The following TRIOBP variants were observed in gnomAD, a reference collection of about 807,000 sequenced individuals.
TRIOBP encodes TRIO and F-actin-binding protein.
TRIOBP carries 169 observed loss-of-function variants against 238.8 expected under a neutral mutation model. That is an observed-to-expected ratio of 0.71 (90% CI 0.62 to 0.80). TRIOBP has a LOEUF of 0.80. TRIOBP is among the 30% of genes least tolerant of loss of function. The pLI, the probability that TRIOBP is intolerant of heterozygous loss-of-function variation, is 0.00. For missense variants in TRIOBP, 2,838 were observed against 3,122.6 expected, an observed-to-expected ratio of 0.91 and a Z score of 2.17; for synonymous variants, 1,150 against 1,274.4, an observed-to-expected ratio of 0.90 and a Z score of 2.08.
At chr22:37,739,615 C>A (rs1444930012) in intron 10 of TRIOBP, among the ~76,000 whole-genome samples, 1 of 152,170 alleles carries the variant, frequency 6.6e-6, no homozygotes, top group African/African-American at 2.4e-5. Context: ...TGCACCTCCA[C>A]CTGGCACCCA....
At chr22:37,713,473 G>T (rs1923363235) in intron 5 of TRIOBP, 62 bp downstream of exon 5, 1 of 1,581,066 alleles carries the variant, frequency 6.3e-7, no homozygotes, top group Non-Finnish European at 8.6e-7. Flanking sequence ...GCAGCCCTGG[G>T]TCCCACCTAA....
In TRIOBP at chr22:37,725,263, G is replaced by T; in HGVS notation, c.2707G>T (p.Asp903Tyr). ...TTCATCTCCCCATCGTACTAACAAA[G>T]ACATCCCCTGGGCCTCGTTTCCCCT... ...RNSSPHRTNK[D>Y]IPWASFPLRP... Residue 903 changes from aspartate (D) to tyrosine (Y), a missense_variant, in exon 7 of 24, where the codon GAC becomes TAC. Physicochemically the swap from Asp to Tyr is radical, Grantham distance 160 (BLOSUM62 -3). Around this residue, in one of 5 missense-constraint regions of TRIOBP, gnomAD observed 2,096 missense variants for 2,137.4 expected, o/e 0.98. Transcript: ENST00000644935. 6.2e-7 allele frequency: 1 copy of T among 1,613,952 alleles called. No homozygotes were observed. Among genetic ancestry groups the T allele is most frequent in the South Asian group, 1.1e-5 (1 of 91,088 alleles).
At chr22:37,741,113 A>C in intron 11 of TRIOBP, 81 bp downstream of exon 11, 1 of 1,519,736 alleles carries the variant, frequency 6.6e-7, no homozygotes, top group Non-Finnish European at 8.8e-7. Flanking sequence ...TGTTAAGCAA[A>C]GGAGAGAGAG....
chr22:37,771,681 A>G lies in TRIOBP; in HGVS notation c.6881A>G (p.Gln2294Arg), dbSNP rs774513118. Residue 2294 changes from glutamine (Q) to arginine (R), a missense_variant, in exon 22 of 24, where the codon CAG (glutamine) becomes CGG (arginine). Gln to Arg is a conservative substitution (Grantham distance 43). Coordinates refer to ENST00000644935, the MANE Select transcript of TRIOBP (RefSeq NM_001039141.3). Reference protein sequence around the residue: ...VLLRVKENELQYLKKEVQCLR... With the variant: ...VLLRVKENELRYLKKEVQCLR... Reference sequence around the variant, plus strand: ...CTTCGCGTAAAAGAAAACGAACTCCAGTACCTAAAGAAGGAGGTGCAGTGC... The same window carrying G: ...CTTCGCGTAAAAGAAAACGAACTCCGGTACCTAAAGAAGGAGGTGCAGTGC... 4 of 1,614,142 alleles carry G rather than the reference A, an allele frequency of 2.5e-6. No individual in the cohort carries two copies. In the East Asian group the frequency reaches 6.7e-5, roughly 27 times the overall value.
At chr22:37,727,915 T>C (rs1000952491) in intron 7 of TRIOBP, among the ~76,000 whole-genome samples, 7 of 152,104 alleles carry the variant, frequency 4.6e-5, no homozygotes, top group Admixed American at 1.3e-4. Context: ...TTCCATTAGT[T>C]AGGGTCAAGA....
chr22:37,748,014 A>T (rs1050803671), intron 11 of TRIOBP, among the ~76,000 whole-genome samples: 3 of 152,170 alleles, frequency 2.0e-5, no homozygotes, highest in African/African-American at 4.8e-5. Context: ...TCCTGTGATT[A>T]TAGGGCCTTG....
intron 11 of TRIOBP, 133 bp from the exon 12 acceptor site, chr22:37,751,639 G>A: frequency 1.0e-6 from 1 of 962,852 alleles, no homozygotes. Flanking sequence ...TAGGGCCTTA[G>A]CCCTCTTGGC....
rs1345743045 is a variant in TRIOBP, at chr22:37,710,585, C to T, written c.254+19C>T. The T allele has an allele frequency of 1.2e-6, 2 of 1,604,298 alleles. No homozygotes were observed. Among genetic ancestry groups the T allele is most frequent in the East Asian group, 2.2e-5 (1 of 44,748 alleles). On this transcript the variant is annotated intron_variant, in intron 4 of 23. Transcript: ENST00000644935. ...CCAAGAGGTGGGTAGAGTCCCAGGG[C>T]CCAGGAAGGGCTTCATGGGGTGGAA...
intron 19 of TRIOBP, among the ~76,000 whole-genome samples, 161 bp from the exon 20 acceptor site, chr22:37,768,867 C>T (rs1245090718): frequency 6.6e-6 from 1 of 152,078 alleles, no homozygotes; most frequent in Non-Finnish European, 1.5e-5. Context: ...ACACCTGTAG[C>T]CCAGAGAAGC....
rs727503531 is a variant in TRIOBP, at chr22:37,772,774, G to A, written c.*2+10G>A. On this transcript the variant is annotated intron_variant, in intron 23 of 23. Transcript: ENST00000644935. ...GCCTGGCTGAGTAGAGGTGGATGCC[G>A]AGGCGTGTGCCCTGCAGGGTGGGCA... 26 of 1,611,642 alleles carry A rather than the reference G, an allele frequency of 1.6e-5. No individual in the cohort carries two copies. The highest frequency in any genetic ancestry group is 1.7e-4 in the Middle Eastern group (1 of 6,048).
rs1213710634 is a variant in TRIOBP, at chr22:37,727,859, T to TC, written c.3947+1360dup. 3.3e-5 allele frequency among the ~76,000 whole-genome samples: 5 copies of TC among 152,040 alleles called. No homozygotes were observed. In the East Asian group the frequency reaches 7.7e-4, roughly 23 times the overall value. ...CCTCCTGATCAGGCTGAGGTTTCTC[T>TC]CCCCAGAAGTTCCAGCCCTCGAGTT... On this transcript the variant is annotated intron_variant, in intron 7 of 23. Coordinates refer to ENST00000644935, the MANE Select transcript of TRIOBP (RefSeq NM_001039141.3).
In TRIOBP at chr22:37,769,169, G is replaced by T. The variant is rs767855263; in HGVS notation, c.6717G>T (p.Glu2239Asp). 3.1e-6 allele frequency: 5 copies of T among 1,609,758 alleles called. No homozygotes were observed. Among genetic ancestry groups the T allele is most frequent in the Non-Finnish European group, 4.2e-6 (5 of 1,178,460 alleles). Residue 2239 changes from glutamate to aspartate, a missense_variant, in exon 20 of 24, where the codon GAG (glutamate) becomes GAT (aspartate). Physicochemically the swap from Glu to Asp is conservative, Grantham distance 45. This residue lies in a region of TRIOBP where 2,096 missense variants were observed against 2,137.4 expected (regional missense o/e 0.98). Transcript: ENST00000644935. ...TLRRCQQEGQELLRHNQELHG... is the reference protein window; with the variant it reads ...TLRRCQQEGQDLLRHNQELHG... ...GCCGCTGCCAGCAGGAGGGCCAGGAGCTGCTGCGCCACAACCAGGTGGGCC... is the reference window on the plus strand; with the variant it reads ...GCCGCTGCCAGCAGGAGGGCCAGGATCTGCTGCGCCACAACCAGGTGGGCC...
chr22:37,758,127 C>T lies in TRIOBP; in HGVS notation c.6202C>T (p.Leu2068=), dbSNP rs781222245. The T allele has an allele frequency of 1.2e-6, 2 of 1,611,082 alleles. No individual in the cohort carries two copies. Among genetic ancestry groups the T allele is most frequent in the African/African-American group, 2.7e-5 (2 of 74,998 alleles). ...RGPPSDGHEA[L]EKEVQALRAQ... is the part of the protein sequence containing the mutation. The stretch of plus-strand genomic sequence containing the variant: ...GCCCCCAAGTGACGGCCACGAGGCA[C>T]TGGAGAAGGAGGTAGGCACCACGGC... The change falls in exon 16 of 24, where the codon CTG becomes TTG. Residue 2068 remains leucine (L), a synonymous_variant. Transcript: ENST00000644935.
rs868688169 is a variant in TRIOBP, at chr22:37,725,904, C to T, written c.3348C>T (p.Tyr1116=). ...LQLPAPVCIG[Y]RDAPRASSPP... Reference sequence around the variant, plus strand: ...TCCCTGCACCTGTGTGTATTGGGTACCGAGATGCACCCCGGGCCTCCTCCC... The same window carrying T: ...TCCCTGCACCTGTGTGTATTGGGTATCGAGATGCACCCCGGGCCTCCTCCC... The change falls in exon 7 of 24, where the codon TAC becomes TAT. Residue 1116 remains tyrosine (Y), a synonymous_variant. Transcript: ENST00000644935. 6.2e-7 allele frequency: 1 copy of T among 1,613,558 alleles called. No homozygotes were observed.
intron 17 of TRIOBP, among the ~76,000 whole-genome samples, chr22:37,765,278 T>TCAAAAA (rs199577656): frequency 2.7e-3 from 407 of 152,112 alleles, no homozygotes; most frequent in African/African-American, 9.0e-3. Context: ...AAACTCTGTC[T>TCAAAAA]CAAAAACAAA....
In TRIOBP at chr22:37,725,840, A is replaced by C. The variant is rs778931188; in HGVS notation, c.3284A>C (p.Glu1095Ala). 6.4e-7 allele frequency: 1 copy of C among 1,570,226 alleles called. No individual in the cohort carries two copies. The highest frequency in any genetic ancestry group is 8.6e-7 in the Non-Finnish European group (1 of 1,161,284). Residue 1095 changes from glutamate (E) to alanine (A), a missense_variant, in exon 7 of 24, where the codon GAG becomes GCG. By Grantham distance (107) the Glu-to-Ala change is moderately radical. Transcript: ENST00000644935. Reference protein sequence around the residue: ...FPFLPDTSDAEHQCQSPQHEP... With the variant: ...FPFLPDTSDAAHQCQSPQHEP... ...TTCCTCCCAGACACATCAGATGCCG[A>C]GCATCAGTGTCAGTCCCCCCAACAC... is the stretch of plus-strand genomic sequence containing the variant.
At chr22:37,739,669 G>A (rs1276539250) in intron 10 of TRIOBP, among the ~76,000 whole-genome samples, 2 of 152,178 alleles carry the variant, frequency 1.3e-5, no homozygotes, top group Non-Finnish European at 2.9e-5. Flanking sequence ...GGCTTCGAAC[G>A]GCAGTGCTGT....
chr22:37,699,794 G>A (rs1387020518), intron 2 of TRIOBP, among the ~76,000 whole-genome samples: 1 of 152,076 alleles, frequency 6.6e-6, no homozygotes, highest in African/African-American at 2.4e-5. Flanking sequence ...GCCCGCCTCG[G>A]CCTCCCAAAG....
intron 6 of TRIOBP, among the ~76,000 whole-genome samples, chr22:37,718,156 G>A (rs1294753097): frequency 6.6e-6 from 1 of 152,196 alleles, no homozygotes; most frequent in Non-Finnish European, 1.5e-5. Flanking sequence ...CCAAGCCCAC[G>A]CCCACCCGGA....
Sources: gnomAD v4.1 joint callset for allele counts (sites outside exome capture counted in the v4.1 genomes callset) on GRCh38, gnomAD v4.1.1 for gene constraint, gnomAD v4.1.1 regional missense constraint, MANE v1.5 for transcripts, NCBI Gene and HGNC (gene_info 2026-07-23, HGNC 2026-07-21) for gene names.